Variants in ADGRG4 observed in about 807,000 individuals in gnomAD.
ADGRG4 encodes adhesion G protein-coupled receptor G4, also known as G protein-coupled receptor 112.
Under a neutral mutation model 126.2 loss-of-function variants are expected in ADGRG4, and 122 were observed. The observed-to-expected ratio is 0.97, with a 90% confidence interval of 0.83 to 1.12. The LOEUF is 1.12. ADGRG4 is among the 50% of genes most tolerant of loss of function. The pLI is 0.00. For synonymous variants in ADGRG4, 943 were observed against 838.7 expected, an observed-to-expected ratio of 1.12 and a Z score of -2.15; for missense variants, 2,481 against 2,251.8, an observed-to-expected ratio of 1.10 and a Z score of -2.06.
Position 136,350,311 on chromosome X carries a change from A to T in ADGRG4, c.6605A>T (p.Tyr2202Phe), listed in dbSNP as rs1206597851. 2 of 1,208,811 alleles carry T rather than the reference A, an allele frequency of 1.7e-6. No individual in the cohort carries two copies. Among genetic ancestry groups the T allele is most frequent in the Non-Finnish European group, 2.2e-6 (2 of 894,209 alleles). The stretch of plus-strand genomic sequence containing the variant: ...CCACTCATATCCACTGGGGTGACAT[A>T]TCCTTTTACAGCAACTGTGTCTTCA... ...SFPLISTGVT[Y>F]PFTATVSSPI... is the part of the protein sequence containing the mutation. The change falls in exon 6 of 26, where the codon TAT becomes TTT. Residue 2202 changes from tyrosine to phenylalanine, a missense_variant. Transcript: ENST00000394143.
intron 13 of ADGRG4, among the ~76,000 whole-genome samples, chrX:136,370,291 T>C (rs1295534127): frequency 1.8e-5 from 2 of 112,247 alleles, no homozygotes; most frequent in East Asian, 5.5e-4. Context: ...CTTTATATTT[T>C]GGTTATTGGA....
In ADGRG4 at chrX:136,346,414, C is replaced by A. The variant is rs973513731; in HGVS notation, c.2708C>A (p.Thr903Lys). 1 of 1,210,839 alleles carries A rather than the reference C, an allele frequency of 8.3e-7. No homozygotes were observed. Among genetic ancestry groups the A allele is most frequent in the Admixed American group, 2.2e-5 (1 of 45,985 alleles). Residue 903 changes from threonine (T) to lysine (K), a missense_variant, in exon 6 of 26, where the codon ACA becomes AAA. Thr to Lys is a moderately conservative substitution (Grantham distance 78). Coordinates refer to ENST00000394143, the MANE Select transcript of ADGRG4 (RefSeq NM_153834.4). ...LSTPLDNKTA[T>K]TEVRESWLLT... ...ACCCCATTGGATAATAAAACTGCAA[C>A]AACTGAGGTGAGAGAAAGTTGGCTT...
intron 22 of ADGRG4, 48 bp from the exon 23 acceptor site, chrX:136,405,644 G>T (rs761446106): frequency 6.7e-5 from 65 of 977,023 alleles, no homozygotes; most frequent in Non-Finnish European, 8.7e-5. Flanking sequence ...CTGAGAAATA[G>T]GACTTTATGT....
chrX:136,407,736 C>A lies in ADGRG4; in HGVS notation c.8935+1764C>A, dbSNP rs921618375. The stretch of plus-strand genomic sequence containing the variant: ...TAGGAATGGAATTTTTAGAAACTCT[C>A]AATACCATCCTCGCTTGGTTCCCTT... On this transcript the variant is annotated intron_variant, in intron 23 of 25. Transcript: ENST00000394143. 4.5e-5 allele frequency among the ~76,000 whole-genome samples: 5 copies of A among 111,936 alleles called. No individual in the cohort carries two copies. The South Asian group carries it at 1.9e-3, about 42-fold the overall frequency.
intron 5 of ADGRG4, among the ~76,000 whole-genome samples, chrX:136,333,809 A>T (rs1457277650): frequency 8.9e-6 from 1 of 112,162 alleles, no homozygotes; most frequent in Non-Finnish European, 1.9e-5. Flanking sequence ...GAGCCACCAC[A>T]CTTGGCCTAA....
At chrX:136,389,609 G>A (rs1418203769) in intron 16 of ADGRG4, among the ~76,000 whole-genome samples, 1 of 112,028 alleles carries the variant, frequency 8.9e-6, no homozygotes, top group Non-Finnish European at 1.9e-5. Context: ...TTTTACCATT[G>A]GTAAAAGTAA....
At chrX:136,313,984 C>T (rs995968549) in intron 4 of ADGRG4, among the ~76,000 whole-genome samples, 8 of 111,580 alleles carry the variant, frequency 7.2e-5, no homozygotes, top group African/African-American at 2.6e-4. Context: ...TAGGGGCTAT[C>T]TTTCATTCTT....
Position 136,403,235 on chromosome X carries a change from C to T in ADGRG4, c.8576-9C>T, listed in dbSNP as rs200771228. ...GATGAAATGCCTTTGACTTGCTTTC[C>T]CACTGCAGGAATCCCGGCTATCATG... On this transcript the variant is annotated splice_polypyrimidine_tract_variant and intron_variant, in intron 21 of 25. Coordinates refer to ENST00000394143, the MANE Select transcript of ADGRG4 (RefSeq NM_153834.4). 2.5e-6 allele frequency: 3 copies of T among 1,205,654 alleles called. No individual in the cohort carries two copies. The African/African-American group carries it at 5.2e-5, about 21-fold the overall frequency.
At position 136,350,084 on chromosome X, in the gene ADGRG4, C is replaced by T; in HGVS notation, c.6378C>T (p.Phe2126=). 1.7e-6 allele frequency: 2 copies of T among 1,210,224 alleles called. No homozygotes were observed. Among genetic ancestry groups the T allele is most frequent in the Middle Eastern group, 2.3e-4 (1 of 4,347 alleles). The change falls in exon 6 of 26, where the codon TTC becomes TTT. Residue 2126 remains phenylalanine (F), a synonymous_variant. Coordinates refer to ENST00000394143, the MANE Select transcript of ADGRG4 (RefSeq NM_153834.4). ...NPRTVSHPSS[F]SRKTMSPSTT... ...GGACTGTGTCTCATCCTTCATCCTTCAGCAGAAAGACTATGTCACCTTCTA... is the reference window on the plus strand; with the variant it reads ...GGACTGTGTCTCATCCTTCATCCTTTAGCAGAAAGACTATGTCACCTTCTA...
At chrX:136,341,520 C>G (rs2074979103) in intron 5 of ADGRG4, among the ~76,000 whole-genome samples, 1 of 111,839 alleles carries the variant, frequency 8.9e-6, no homozygotes, top group South Asian at 3.7e-4. Context: ...AAATGAAGAT[C>G]CTGACAATTC....
rs1304972137 is a variant in ADGRG4 at position 136,346,071 on chromosome X, A to G, written c.2365A>G (p.Ile789Val). Residue 789 changes from isoleucine to valine, a missense_variant, in exon 6 of 26, where the codon ATA (isoleucine) becomes GTA (valine). Ile to Val is a conservative substitution (Grantham distance 29, BLOSUM62 3). Transcript: ENST00000394143. ...RETVVPSVDI[I>V]STLACIQPNF... ...GACTGTTGTTCCATCAGTAGATATA[A>G]TATCTACTCTTGCTTGCATTCAACC... 8.3e-7 allele frequency: 1 copy of G among 1,209,552 alleles called. No homozygotes were observed. Among genetic ancestry groups the G allele is most frequent in the Non-Finnish European group, 1.1e-6 (1 of 894,156 alleles).
intron 15 of ADGRG4, among the ~76,000 whole-genome samples, chrX:136,383,994 C>T (rs1482523119): frequency 1.8e-5 from 2 of 109,148 alleles, no homozygotes; most frequent in South Asian, 8.0e-4. Flanking sequence ...CGGGTTCAAG[C>T]GATTCTCGTG....
chrX:136,380,670 T>C (rs803182), intron 15 of ADGRG4, among the ~76,000 whole-genome samples: 9,594 of 57,908 alleles, frequency 0.17, 976 homozygotes, highest in Non-Finnish European at 0.2. Context: ...CCTCCTCCTC[T>C]TCCTCCTCCT....
At chrX:136,405,520 G>C (rs1264534170) in intron 22 of ADGRG4, among the ~76,000 whole-genome samples, 172 bp from the exon 23 acceptor site, 1 of 111,709 alleles carries the variant, frequency 9.0e-6, no homozygotes, top group Non-Finnish European at 1.9e-5. Flanking sequence ...TCAGGAGATT[G>C]AGGTTTTTGT....
intron 5 of ADGRG4, among the ~76,000 whole-genome samples, chrX:136,334,074 C>CTCTT (rs201233200): frequency 0.016 from 1,388 of 88,840 alleles, 23 homozygotes; most frequent in Middle Eastern, 0.023. Flanking sequence ...GAGGTTCTCT[C>CTCTT]TCTTTCTTTC....
chrX:136,373,138 G>A, intron 15 of ADGRG4, 74 bp downstream of exon 15: 1 of 930,677 alleles, frequency 1.1e-6, no homozygotes, highest in Non-Finnish European at 1.5e-6. Context: ...TACTCCTTGG[G>A]AGAGAGAGGG....
At position 136,414,043 on chromosome X, in the gene ADGRG4, A is replaced by T. The variant is rs1289682755; in HGVS notation, c.9038-117A>T. The T allele has an allele frequency of 1.8e-5, 12 of 660,245 alleles. No individual in the cohort carries two copies. In the East Asian group the frequency reaches 4.0e-4, roughly 22 times the overall value. The allele number at this position is 660,245 out of a possible 1,213,427, so 54.4% of individuals were successfully genotyped here. A position where few individuals can be genotyped will look rare whatever the true frequency, so the allele number is the denominator to read the frequency against. ...GGCGTGAGCCACTGCGCCTGGCCTA[A>T]ACTTTGTATTTTTAAACCAGGTTAT... On this transcript the variant is annotated intron_variant, in intron 24 of 25. Coordinates refer to ENST00000394143, the MANE Select transcript of ADGRG4 (RefSeq NM_153834.4).
chrX:136,314,784 G>A (rs1234950327), intron 4 of ADGRG4, among the ~76,000 whole-genome samples: 2 of 112,204 alleles, frequency 1.8e-5, no homozygotes, highest in Non-Finnish European at 3.8e-5. Context: ...TGTGTGTTAT[G>A]TCTCCTCTAT....
intron 15 of ADGRG4, among the ~76,000 whole-genome samples, chrX:136,374,537 C>T (rs1333079588): frequency 5.4e-5 from 6 of 111,155 alleles, no homozygotes; most frequent in Non-Finnish European, 9.4e-5. Flanking sequence ...TCAAGCGATT[C>T]TCCTGCCTCA....
Sources: allele counts gnomAD v4.1 joint callset (sites outside exome capture counted in the v4.1 genomes callset), GRCh38; gene constraint gnomAD v4.1.1; transcripts MANE v1.5; gene names NCBI Gene and HGNC (gene_info 2026-07-23, HGNC 2026-07-21).